TXNRD2: variants seen among roughly 807,000 people sequenced by gnomAD.
The protein encoded by TXNRD2 is thioredoxin reductase 2, mitochondrial.
A neutral mutation model predicts 70.8 loss-of-function variants in TXNRD2; 67 were observed. The observed-to-expected ratio is 0.95, with a 90% CI of 0.78 to 1.16. The LOEUF (loss-of-function observed/expected upper bound fraction) is 1.16, where lower values mean the gene tolerates loss of function less well. Among genes scored for constraint, TXNRD2 ranks in the 50% most tolerant of loss-of-function variants. The probability of loss-of-function intolerance (pLI) is 0.00; values close to 1 mark genes in which losing one functional copy is unlikely to be tolerated. For missense variants in TXNRD2, 644 were observed against 719.9 expected, an observed-to-expected ratio of 0.89 and a Z score of 1.21; for synonymous variants, 301 against 295.8, an observed-to-expected ratio of 1.02 and a Z score of -0.18.
At chr22:19,920,866 G>A (rs1165559222) in intron 2 of TXNRD2, among the ~76,000 whole-genome samples, 2 of 152,252 alleles carry the variant, frequency 1.3e-5, no homozygotes, top group African/African-American at 2.4e-5. Context: ...ACTTTGGGAG[G>A]CCAAGGTGGG....
intron 11 of TXNRD2, among the ~76,000 whole-genome samples, chr22:19,888,625 C>A (rs753180459): frequency 1.3e-5 from 2 of 152,192 alleles, no homozygotes; most frequent in Non-Finnish European, 2.9e-5. Context: ...CCAAGCACTG[C>A]GCCTGAGGAC....
intron 14 of TXNRD2, 144 bp from the exon 15 acceptor site, chr22:19,878,581 G>A (rs1277646265): frequency 3.6e-6 from 3 of 833,360 alleles, no homozygotes; most frequent in Admixed American, 1.8e-5. Context: ...CTGGGATGGG[G>A]ATGAGGGCTT....
chr22:19,918,922 T>A lies in TXNRD2; in HGVS notation c.312A>T (p.Gly104=), dbSNP rs778541958. The A allele has an allele frequency of 6.2e-7, 1 of 1,612,944 alleles. No homozygotes were observed. Among genetic ancestry groups the A allele is most frequent in the Admixed American group, 1.7e-5 (1 of 59,982 alleles). The part of the protein sequence containing the change: ...KKLMHQAALL[G]GLIQDAPNYG... ...AGTTGGGGGCATCTTGGATCAGGCCTCCCAGCAGTGCCGCCTGGTGCATCA... is the reference window on the plus strand; with the variant it reads ...AGTTGGGGGCATCTTGGATCAGGCCACCCAGCAGTGCCGCCTGGTGCATCA... Residue 104 remains glycine (G), a synonymous_variant, in exon 4 of 18, where the codon GGA becomes GGT. Coordinates refer to ENST00000400521, the MANE Select transcript of TXNRD2 (RefSeq NM_006440.5).
intron 8 of TXNRD2, among the ~76,000 whole-genome samples, chr22:19,901,389 G>A (rs1225488815): frequency 1.3e-5 from 2 of 152,206 alleles, no homozygotes; most frequent in African/African-American, 4.8e-5. Context: ...GGAGGTGGGT[G>A]CAGTGGGCAT....
At chr22:19,889,627 AATTATT>A (rs71186634) in intron 11 of TXNRD2, among the ~76,000 whole-genome samples, 12 of 150,342 alleles carry the variant, frequency 8.0e-5, no homozygotes, top group East Asian at 3.9e-4. Flanking sequence ...AACAAAAAAC[AATTATT>A]ATTATTATTA....
chr22:19,890,496 T>G (rs2145956806), intron 11 of TXNRD2, among the ~76,000 whole-genome samples: 1 of 152,048 alleles, frequency 6.6e-6, no homozygotes, highest in African/African-American at 2.4e-5. Context: ...GGGAAGAGCA[T>G]AGCCACAAAC....
At chr22:19,909,405 T>C (rs982245569) in intron 8 of TXNRD2, among the ~76,000 whole-genome samples, 2 of 151,888 alleles carry the variant, frequency 1.3e-5, no homozygotes, top group African/African-American at 2.4e-5. Flanking sequence ...AAAGGAACTA[T>C]ACCACATCCA....
chr22:19,877,578 A>G (rs1437762206), intron 16 of TXNRD2, among the ~76,000 whole-genome samples: 2 of 150,112 alleles, frequency 1.3e-5, no homozygotes, highest in Non-Finnish European at 3.0e-5. Flanking sequence ...CCACACCACC[A>G]CCTCCCAGGC....
At chr22:19,925,485 G>T (rs957753296) in intron 2 of TXNRD2, among the ~76,000 whole-genome samples, 1 of 151,830 alleles carries the variant, frequency 6.6e-6, no homozygotes, top group Non-Finnish European at 1.5e-5. Context: ...AATACAATGG[G>T]TGAGTATGTG....
chr22:19,940,687 G>A (rs988233298), intron 1 of TXNRD2, among the ~76,000 whole-genome samples: 4 of 152,100 alleles, frequency 2.6e-5, no homozygotes, highest in South Asian at 2.1e-4. Flanking sequence ...ATGGGACTCC[G>A]CCAGCACGGG....
At chr22:19,889,631 A>C (rs1243345541) in intron 11 of TXNRD2, among the ~76,000 whole-genome samples, 1 of 101,676 alleles carries the variant, frequency 9.8e-6, no homozygotes, top group African/African-American at 3.8e-5. Flanking sequence ...AAAAACAATT[A>C]TTATTATTAT....
At chr22:19,885,019 G>A (rs984042093) in intron 11 of TXNRD2, among the ~76,000 whole-genome samples, 2 of 152,182 alleles carry the variant, frequency 1.3e-5, no homozygotes, top group African/African-American at 2.4e-5. Context: ...AGGCCAAGAG[G>A]GGCAGGGGAT....
chr22:19,880,667 C>A lies in TXNRD2; in HGVS notation c.1137G>T (p.Val379=). 1 of 1,613,406 alleles carries A rather than the reference C, an allele frequency of 6.2e-7. No homozygotes were observed. Among genetic ancestry groups the A allele is most frequent in the Non-Finnish European group, 8.5e-7 (1 of 1,179,998 alleles). ...PIAIMAGRLL[V]QRLFGGSSDL... is the part of the protein sequence containing the mutation. Reference sequence around the variant, plus strand: ...CTGAGGACCCGCCGAAGAGCCGCTGCACCAGGAGCCTCCCGGCCATGATCG... The same window carrying A: ...CTGAGGACCCGCCGAAGAGCCGCTGAACCAGGAGCCTCCCGGCCATGATCG... Residue 379 remains valine (V), a synonymous_variant, in exon 13 of 18, where the codon GTG becomes GTT. Transcript: ENST00000400521.
At chr22:19,883,573 C>T in intron 11 of TXNRD2, 112 bp from the exon 12 acceptor site, 2 of 1,496,646 alleles carry the variant, frequency 1.3e-6, no homozygotes, top group Admixed American at 1.7e-5. Context: ...TGCAGTGGCT[C>T]CTGCCTGTAA....
chr22:19,909,969 C>T (rs1269198547), intron 8 of TXNRD2, among the ~76,000 whole-genome samples: 10 of 149,138 alleles, frequency 6.7e-5, no homozygotes, highest in Middle Eastern at 3.4e-3. Context: ...CTCACACACA[C>T]ACCACACACA....
chr22:19,903,874 C>A (rs1939889570), intron 8 of TXNRD2, among the ~76,000 whole-genome samples: 1 of 152,230 alleles, frequency 6.6e-6, no homozygotes, highest in Non-Finnish European at 1.5e-5. Flanking sequence ...TGCCCCTCCG[C>A]ACCCCTGCCT....
intron 11 of TXNRD2, among the ~76,000 whole-genome samples, chr22:19,893,232 G>C (rs765173485): frequency 5.9e-5 from 9 of 152,204 alleles, no homozygotes; most frequent in African/African-American, 1.4e-4. Flanking sequence ...CAGGTGATCT[G>C]AGAGGGACCC....
At chr22:19,906,998 G>A (rs1161044458) in intron 8 of TXNRD2, among the ~76,000 whole-genome samples, 4 of 66,962 alleles carry the variant, frequency 6.0e-5, no homozygotes, top group South Asian at 7.8e-4. Flanking sequence ...AGCAGTGACC[G>A]CTCTCAGGAG....
At chr22:19,881,402 CG>C (rs34318203) in intron 12 of TXNRD2, 58,080 of 256,854 alleles carry the variant, frequency 0.23, 10,025 homozygotes, top group African/African-American at 0.56. Context: ...AACATCCCGG[CG>C]GGCGGCGCAC....
Sources: allele counts gnomAD v4.1 joint callset (sites outside exome capture counted in the v4.1 genomes callset), GRCh38; gene constraint gnomAD v4.1.1; transcripts MANE v1.5; gene names NCBI Gene and HGNC (gene_info 2026-07-23, HGNC 2026-07-21).